Variants in UBE3C observed in about 807,000 individuals in gnomAD.
UBE3C encodes ubiquitin protein ligase E3C, also known as ubiquitin-protein ligase E3C.
In UBE3C, 42 loss-of-function variants were observed where a neutral mutation model predicts 129.4. That is an observed-to-expected ratio of 0.32 (90% CI 0.25 to 0.42). The LOEUF (loss-of-function observed/expected upper bound fraction) is 0.42, where lower values mean the gene tolerates loss of function less well. UBE3C is among the 10% of genes least tolerant of loss of function. The pLI, the probability that UBE3C is intolerant of heterozygous loss-of-function variation, is 1.00. For missense variants in UBE3C, 1,049 were observed against 1,319.1 expected (o/e 0.80, Z 3.17); for synonymous variants, 510 against 492.4 (o/e 1.04, Z -0.47).
At chr7:157,257,582 G>GA (rs1278431177) in intron 22 of UBE3C, among the ~76,000 whole-genome samples, 1 of 151,728 alleles carries the variant, frequency 6.6e-6, no homozygotes, top group Non-Finnish European at 1.5e-5. Flanking sequence ...TAAAAATACA[G>GA]AAAAATGAGC....
At chr7:157,152,179 G>A (rs868795371) in intron 1 of UBE3C, among the ~76,000 whole-genome samples, 19 of 151,810 alleles carry the variant, frequency 1.3e-4, no homozygotes, top group African/African-American at 4.1e-4. Context: ...TGGAAGAGAA[G>A]GCTGGGAGGA....
At chr7:157,194,051 T>G (rs1398502428) in intron 10 of UBE3C, among the ~76,000 whole-genome samples, 1 of 152,260 alleles carries the variant, frequency 6.6e-6, no homozygotes, top group Non-Finnish European at 1.5e-5. Context: ...TTTTCCTGTT[T>G]TGTTAATCCA....
intron 4 of UBE3C, among the ~76,000 whole-genome samples, chr7:157,172,558 T>C (rs1335763468): frequency 6.6e-6 from 1 of 151,990 alleles, no homozygotes; most frequent in Non-Finnish European, 1.5e-5. Context: ...TGAGCTAAGG[T>C]GGAACATGGT....
intron 4 of UBE3C, among the ~76,000 whole-genome samples, chr7:157,173,057 T>A (rs1484118120): frequency 1.3e-5 from 2 of 152,166 alleles, no homozygotes; most frequent in Non-Finnish European, 2.9e-5. Context: ...TTAAATGTCA[T>A]AAGACCAGTC....
At chr7:157,231,593 G>T in intron 18 of UBE3C, 1 of 434,248 alleles carries the variant, frequency 2.3e-6, no homozygotes, top group Non-Finnish European at 4.2e-6. Context: ...ATTAGATCAT[G>T]TGAGCTCGGC....
intron 10 of UBE3C, among the ~76,000 whole-genome samples, chr7:157,193,630 G>A (rs1809034077): frequency 6.6e-6 from 1 of 150,874 alleles, no homozygotes; most frequent in South Asian, 2.1e-4. Flanking sequence ...TAGAAGTAGA[G>A]CCCCAGACTA....
At chr7:157,203,792 G>A (rs529056394) in intron 11 of UBE3C, among the ~76,000 whole-genome samples, 2 of 152,118 alleles carry the variant, frequency 1.3e-5, no homozygotes, top group Non-Finnish European at 2.9e-5. Flanking sequence ...GTATTAATGC[G>A]TTCCCAATAC....
intron 18 of UBE3C, among the ~76,000 whole-genome samples, chr7:157,233,471 G>A (rs925067172): frequency 3.3e-5 from 5 of 152,010 alleles, no homozygotes; most frequent in African/African-American, 1.2e-4. Context: ...GTAGAGGCAG[G>A]GTCTTGCCAT....
intron 4 of UBE3C, among the ~76,000 whole-genome samples, chr7:157,171,697 T>A (rs1345480905): frequency 0.066 from 1,736 of 26,408 alleles, 65 homozygotes; most frequent in Non-Finnish European, 0.078. Context: ...TTTTTTTTTT[T>A]TTTTTTTTTT....
At chr7:157,234,962 C>T (rs905311342) in intron 18 of UBE3C, among the ~76,000 whole-genome samples, 2 of 152,190 alleles carry the variant, frequency 1.3e-5, no homozygotes, top group Non-Finnish European at 2.9e-5. Flanking sequence ...GAGGCCTAGG[C>T]AGGCGGATCA....
Position 157,207,798 on chromosome 7 carries a change from A to C in UBE3C, c.1672A>C (p.Lys558Gln). The C allele has an allele frequency of 6.2e-7, 1 of 1,614,192 alleles. No individual in the cohort carries two copies. Among genetic ancestry groups the C allele is most frequent in the Non-Finnish European group, 8.5e-7 (1 of 1,180,030 alleles). Residue 558 changes from lysine to glutamine, a missense_variant, in exon 13 of 23, where the codon AAG becomes CAG. This residue lies in a region of UBE3C where 314 missense variants were observed against 416.9 expected (regional missense o/e 0.75). Coordinates refer to ENST00000348165, the MANE Select transcript of UBE3C (RefSeq NM_014671.3). ...CLRDACLGII[K>Q]LAYPETKPEV... ...TCGAGATGCATGCCTGGGGATCATC[A>C]AGTTGGCTTATCCAGAAACCAAGCC...
At chr7:157,161,477 G>A (rs1288366362) in intron 1 of UBE3C, among the ~76,000 whole-genome samples, 6 of 150,320 alleles carry the variant, frequency 4.0e-5, no homozygotes, top group Non-Finnish European at 8.9e-5. Context: ...TTTGAGACAG[G>A]GTCTCGCTTT....
chr7:157,235,067 T>A (rs1440200279), intron 18 of UBE3C, among the ~76,000 whole-genome samples: 2 of 152,266 alleles, frequency 1.3e-5, no homozygotes, highest in East Asian at 3.9e-4. Context: ...GGTGCATGCC[T>A]TTAATCCCAG....
chr7:157,161,455 T>TG (rs1491151118), intron 1 of UBE3C, among the ~76,000 whole-genome samples: 1 of 41,040 alleles, frequency 2.4e-5, no homozygotes, highest in Non-Finnish European at 4.1e-5. Flanking sequence ...TTGATTTTAC[T>TG]TTTTTTTTTT....
intron 10 of UBE3C, among the ~76,000 whole-genome samples, chr7:157,190,445 A>G (rs1482817881): frequency 2.6e-5 from 4 of 152,144 alleles, no homozygotes; most frequent in Non-Finnish European, 5.9e-5. Context: ...TAAATTAAAT[A>G]CAAGCACAGA....
At position 157,268,094 on chromosome 7, in the gene UBE3C, C is replaced by CTTT; in HGVS notation, c.*339_*340insTTT. On this transcript the variant is annotated 3_prime_UTR_variant, in exon 23 of 23. Coordinates refer to ENST00000348165, the MANE Select transcript of UBE3C (RefSeq NM_014671.3). ...TTTGGCTTTGCTGGTGAGATCAGAGCCCTCCTGAGCAGGCAGCGCCACTCC... is the reference window on the plus strand; with the variant it reads ...TTTGGCTTTGCTGGTGAGATCAGAGCTTTCCTCCTGAGCAGGCAGCGCCACTCC... 1 of 185,474 alleles carries CTTT rather than the reference C, an allele frequency of 5.4e-6. No individual in the cohort carries two copies. Among genetic ancestry groups the CTTT allele is most frequent in the Non-Finnish European group, 1.1e-5 (1 of 90,644 alleles). 11.5% of individuals were successfully genotyped at this position (185,474 alleles called of 1,614,324 possible).
At chr7:157,192,846 A>G in intron 10 of UBE3C, 1 of 1,038,088 alleles carries the variant, frequency 9.6e-7, no homozygotes, top group Non-Finnish European at 1.5e-6. Context: ...CGTATGAGTT[A>G]ATAAAAGACA....
chr7:157,208,227 A>G (rs1809494976), intron 13 of UBE3C, among the ~76,000 whole-genome samples: 1 of 151,520 alleles, frequency 6.6e-6, no homozygotes, highest in Non-Finnish European at 1.5e-5. Flanking sequence ...GGCACATGCC[A>G]CCACACCCAG....
intron 18 of UBE3C, among the ~76,000 whole-genome samples, chr7:157,242,445 A>C (rs1167980991): frequency 6.6e-6 from 1 of 151,120 alleles, no homozygotes; most frequent in Non-Finnish European, 1.5e-5. Context: ...GAAACTTGAA[A>C]GATGTTTTCT....
Sources: allele counts gnomAD v4.1 joint callset (sites outside exome capture counted in the v4.1 genomes callset), GRCh38; gene constraint gnomAD v4.1.1; regional missense constraint gnomAD v4.1.1; transcripts MANE v1.5; gene names NCBI Gene and HGNC (gene_info 2026-07-23, HGNC 2026-07-21).